REPS2: variants seen among roughly 807,000 people sequenced by gnomAD.
REPS2 encodes RALBP1 associated Eps domain containing 2.
In REPS2, 23 loss-of-function variants were observed where a neutral mutation model predicts 53.6. The observed-to-expected ratio is 0.43, with a 90% CI of 0.31 to 0.61. The LOEUF is 0.61. REPS2 is among the 20% of genes least tolerant of loss of function. The pLI is 0.11. For missense variants in REPS2, 446 were observed against 534.9 expected, an observed-to-expected ratio of 0.83 and a Z score of 1.64; for synonymous variants, 238 against 218.6, an observed-to-expected ratio of 1.09 and a Z score of -0.78.
intron 9 of REPS2, among the ~76,000 whole-genome samples, 195 bp from the exon 10 acceptor site, chrX:17,068,207 G>A (rs935172393): frequency 1.8e-5 from 2 of 110,142 alleles, no homozygotes; most frequent in Non-Finnish European, 3.8e-5. Flanking sequence ...CCAGCTACTC[G>A]GGAGGCTGAG....
chrX:17,006,058 T>A (rs1301178083), intron 1 of REPS2, among the ~76,000 whole-genome samples, 163 bp from the exon 2 acceptor site: 1 of 112,361 alleles, frequency 8.9e-6, no homozygotes, highest in Non-Finnish European at 1.9e-5. Flanking sequence ...AACCTCCCTG[T>A]AAACTGAAGG....
chrX:17,019,910 G>C (rs1266517297), intron 2 of REPS2, among the ~76,000 whole-genome samples: 2 of 112,278 alleles, frequency 1.8e-5, no homozygotes, highest in Non-Finnish European at 1.9e-5. Flanking sequence ...TCAGTTTAAG[G>C]GAAATGGCAC....
chrX:17,026,867 A>AG (rs768173998), intron 4 of REPS2, among the ~76,000 whole-genome samples: 8 of 111,825 alleles, frequency 7.2e-5, no homozygotes, highest in Non-Finnish European at 1.1e-4. Context: ...GGCTCACTGT[A>AG]GCCTTGATCT....
chrX:17,052,278 A>G (rs947006811), intron 6 of REPS2, 104 bp from the exon 7 acceptor site: 12 of 612,705 alleles, frequency 2.0e-5, no homozygotes, highest in Admixed American at 6.2e-5. Flanking sequence ...GTGGTTATAC[A>G]GAAGAGATTG....
At chrX:16,970,121 A>G (rs2060866822) in intron 1 of REPS2, among the ~76,000 whole-genome samples, 1 of 111,409 alleles carries the variant, frequency 9.0e-6, no homozygotes, top group African/African-American at 3.3e-5. Flanking sequence ...TGCACTCACC[A>G]TAATCAACTC....
chrX:17,135,558 C>T (rs1310283910), intron 16 of REPS2, 152 bp downstream of exon 16: 1 of 664,856 alleles, frequency 1.5e-6, no homozygotes, highest in East Asian at 3.4e-5. Context: ...ATTCAAGTCT[C>T]CCAGTCACAT....
At chrX:17,121,910 C>T (rs192075532) in intron 14 of REPS2, among the ~76,000 whole-genome samples, 32 of 110,876 alleles carry the variant, frequency 2.9e-4, no homozygotes, top group African/African-American at 9.2e-4. Context: ...GCCACCACAC[C>T]CAGATAATTT....
chrX:17,107,803 T>C (rs1164956858), intron 14 of REPS2, among the ~76,000 whole-genome samples: 1 of 112,823 alleles, frequency 8.9e-6, no homozygotes, highest in Admixed American at 9.4e-5. Context: ...CATGGTCTTT[T>C]GGCTCAGCTC....
downstream of REPS2, among the ~76,000 whole-genome samples, chrX:17,155,010 A>G (rs1458478430): frequency 8.9e-6 from 1 of 112,534 alleles, no homozygotes; most frequent in East Asian, 2.8e-4. Context: ...GTGGGATATG[A>G]TAAGAACATG....
intron 7 of REPS2, among the ~76,000 whole-genome samples, chrX:17,053,866 A>G (rs1353318596): frequency 9.0e-6 from 1 of 111,609 alleles, no homozygotes; most frequent in Non-Finnish European, 1.9e-5. Flanking sequence ...GCCCCAGTGC[A>G]TTCGAAATTG....
chrX:17,033,590 C>A (rs1328685967), intron 5 of REPS2, among the ~76,000 whole-genome samples: 1 of 112,069 alleles, frequency 8.9e-6, no homozygotes. Context: ...CAAGTCCTGA[C>A]CATACCACTT....
At chrX:16,992,092 C>T (rs926461516) in intron 1 of REPS2, among the ~76,000 whole-genome samples, 5 of 111,567 alleles carry the variant, frequency 4.5e-5, no homozygotes, top group Middle Eastern at 4.7e-3. Context: ...ATTTGTGTCT[C>T]CCCCAAATTC....
Position 17,018,991 on chromosome X carries a change from G to C in REPS2, c.398-3132G>C, listed in dbSNP as rs112254886. 5.0e-3 allele frequency among the ~76,000 whole-genome samples: 551 copies of C among 109,898 alleles called. 3 individuals carry two copies. The highest frequency in any genetic ancestry group is 0.018 in the African/African-American group (528 of 30,164). Reference sequence around the variant, plus strand: ...TGATTTTTTATTTTTATTTTTTTAAGAGAAGGGGTCTTACTGTGTTGTCCA... The same window carrying C: ...TGATTTTTTATTTTTATTTTTTTAACAGAAGGGGTCTTACTGTGTTGTCCA... On this transcript the variant is annotated intron_variant, in intron 2 of 17. Coordinates refer to ENST00000357277, the MANE Select transcript of REPS2 (RefSeq NM_004726.3).
chrX:17,008,727 C>T lies in REPS2; in HGVS notation c.397+2383C>T, dbSNP rs945937018. 2.4e-4 allele frequency among the ~76,000 whole-genome samples: 27 copies of T among 111,803 alleles called. 1 individual carries two copies. Among genetic ancestry groups the T allele is most frequent in the Non-Finnish European group, 4.0e-4 (21 of 53,155 alleles). ...AATCTATTAGCTTAATGCTTGATGA[C>T]ACAAATCTTGAAGGCCAAAGGGATC... On this transcript the variant is annotated intron_variant, in intron 2 of 17. Transcript: ENST00000357277.
chrX:17,000,454 A>G (rs1438723820), intron 1 of REPS2, among the ~76,000 whole-genome samples: 3 of 111,648 alleles, frequency 2.7e-5, no homozygotes, highest in African/African-American at 9.8e-5. Context: ...TTAAGTTGGC[A>G]TTTACCTAGT....
intron 13 of REPS2, among the ~76,000 whole-genome samples, chrX:17,088,607 A>G (rs1241710163): frequency 1.1e-5 from 1 of 94,317 alleles, no homozygotes; most frequent in African/African-American, 4.0e-5. Context: ...TTTTTTTTTT[A>G]AGATGGAGTC....
At chrX:17,120,403 G>C (rs2063126558) in intron 14 of REPS2, among the ~76,000 whole-genome samples, 2 of 111,921 alleles carry the variant, frequency 1.8e-5, no homozygotes, top group South Asian at 7.4e-4. Flanking sequence ...TAGTCTCTCT[G>C]TGCCTCAATT....
intron 1 of REPS2, among the ~76,000 whole-genome samples, chrX:16,951,559 A>ACACCCCCC (rs879259718): frequency 1.3e-4 from 5 of 37,477 alleles, no homozygotes; most frequent in Admixed American, 2.9e-4. Flanking sequence ...ACACACACAC[A>ACACCCCCC]CCCCCGCTAC....
intron 12 of REPS2, among the ~76,000 whole-genome samples, chrX:17,076,336 A>C (rs1161328988): frequency 3.6e-5 from 4 of 111,778 alleles, no homozygotes; most frequent in African/African-American, 1.3e-4. Context: ...CTAGTTGAGA[A>C]GCTAAATAAA....
Sources: gnomAD v4.1 joint callset for allele counts (sites outside exome capture counted in the v4.1 genomes callset) on GRCh38, gnomAD v4.1.1 for gene constraint, MANE v1.5 for transcripts, NCBI Gene and HGNC (gene_info 2026-07-23, HGNC 2026-07-21) for gene names.